The following ATP10B variants were observed in gnomAD, a reference collection of about 807,000 sequenced individuals.
ATP10B encodes ATPase phospholipid transporting 10B (putative).
In ATP10B, 122 loss-of-function variants were observed where a neutral mutation model predicts 141.2. That is an observed-to-expected ratio of 0.86 (90% CI 0.75 to 1.00). ATP10B has a LOEUF of 1.00. Among genes scored for constraint, ATP10B ranks in the 50% least tolerant of loss-of-function variants. The probability of loss-of-function intolerance (pLI) is 0.00; values close to 1 mark genes in which losing one functional copy is unlikely to be tolerated. For missense variants in ATP10B, 1,876 were observed against 1,825.3 expected, an observed-to-expected ratio of 1.03 and a Z score of -0.51; for synonymous variants, 685 against 692.0, an observed-to-expected ratio of 0.99 and a Z score of 0.16.
At chr5:160,890,854 C>A in the ATP10B span, among the ~76,000 whole-genome samples, 4 of 152,188 alleles carry the variant, frequency 2.6e-5, no homozygotes, top group Non-Finnish European at 5.9e-5. Flanking sequence ...GAGCTACAGG[C>A]ATATGCTGCC....
At chr5:160,698,673 A>G (rs371934941) in intron 3 of ATP10B, among the ~76,000 whole-genome samples, 23 of 151,840 alleles carry the variant, frequency 1.5e-4, no homozygotes, top group African/African-American at 5.5e-4. Flanking sequence ...ACATAATAAA[A>G]TGGTTGGGAG....
At chr5:160,786,688 T>C (rs1156541468) in intron 1 of ATP10B, among the ~76,000 whole-genome samples, 3 of 152,180 alleles carry the variant, frequency 2.0e-5, no homozygotes, top group Admixed American at 1.3e-4. Flanking sequence ...AATGAAGTTG[T>C]CTTCCACAAG....
chr5:160,590,646 A>C (rs1375104543), intron 23 of ATP10B, among the ~76,000 whole-genome samples: 2 of 152,206 alleles, frequency 1.3e-5, no homozygotes, highest in African/African-American at 4.8e-5. Context: ...GCACAAGTGT[A>C]TATAAAAATC....
intron 24 of ATP10B, among the ~76,000 whole-genome samples, chr5:160,584,338 T>C (rs899406878): frequency 6.6e-6 from 1 of 152,084 alleles, no homozygotes; most frequent in Non-Finnish European, 1.5e-5. Flanking sequence ...CACCCTACTT[T>C]GGCTCGCTCT....
intron 9 of ATP10B, among the ~76,000 whole-genome samples, chr5:160,642,709 C>T (rs1050324132): frequency 6.6e-6 from 1 of 152,168 alleles, no homozygotes; most frequent in Non-Finnish European, 1.5e-5. Flanking sequence ...GTTTTGCGGG[C>T]CTGATGTATT....
At chr5:160,764,387 G>T (rs1429433583) in intron 2 of ATP10B, among the ~76,000 whole-genome samples, 1 of 152,102 alleles carries the variant, frequency 6.6e-6, no homozygotes, top group African/African-American at 2.4e-5. Context: ...TTCATACCAG[G>T]GACGCAGGGC....
intron 6 of ATP10B, among the ~76,000 whole-genome samples, chr5:160,681,218 C>T (rs1342314118): frequency 6.6e-6 from 1 of 152,220 alleles, no homozygotes; most frequent in Non-Finnish European, 1.5e-5. Flanking sequence ...AGGCTACTTA[C>T]TGAGGGTCAT....
chr5:160,674,876 C>G (rs1192053206), intron 6 of ATP10B, among the ~76,000 whole-genome samples: 1 of 152,012 alleles, frequency 6.6e-6, no homozygotes, highest in South Asian at 2.1e-4. Flanking sequence ...ATCAGAGACA[C>G]ATTTTGTAGG....
intron 15 of ATP10B, among the ~76,000 whole-genome samples, chr5:160,618,441 A>T (rs1403473186): frequency 1.3e-5 from 2 of 152,108 alleles, no homozygotes; most frequent in African/African-American, 2.4e-5. Flanking sequence ...TCTATCTTCT[A>T]CTTGAGGTCT....
chr5:160,824,982 G>A (rs1271933496), intron 1 of ATP10B, among the ~76,000 whole-genome samples: 2 of 151,986 alleles, frequency 1.3e-5, no homozygotes, highest in Admixed American at 1.3e-4. Flanking sequence ...AACATTTCCA[G>A]AGCATGTCAA....
chr5:160,755,278 G>T (rs1305764663), intron 2 of ATP10B, among the ~76,000 whole-genome samples: 1 of 152,146 alleles, frequency 6.6e-6, no homozygotes. Context: ...TACAAGAACA[G>T]CAAGGGAAAT....
intron 1 of ATP10B, among the ~76,000 whole-genome samples, chr5:160,838,755 A>T (rs965326982): frequency 6.6e-6 from 1 of 152,110 alleles, no homozygotes; most frequent in African/African-American, 2.4e-5. Context: ...GAAGGCCAAG[A>T]CCTGTGATGT....
At chr5:160,630,092 C>T (rs1453772037) in intron 13 of ATP10B, among the ~76,000 whole-genome samples, 2 of 152,178 alleles carry the variant, frequency 1.3e-5, no homozygotes, top group Admixed American at 6.5e-5. Context: ...TTCCACTAAC[C>T]CCAGATTTTT....
At position 160,825,310 on chromosome 5, in the gene ATP10B, AATCCAGTGGGAGAT is replaced by A. The variant is rs1774503298; in HGVS notation, c.-576+26617_-576+26630del. Among the ~76,000 whole-genome samples, 3 of 152,276 alleles carry A rather than the reference AATCCAGTGGGAGAT, an allele frequency of 2.0e-5. No homozygotes were observed. In the South Asian group the frequency reaches 6.2e-4, roughly 32 times the overall value. ...CATAATTCCTTCATGTTGTGGGAGA[AATCCAGTGGGAGAT>A]AATTTAATCATGGGGGCAGTTTCCC... On this transcript the variant is annotated intron_variant, in intron 1 of 25. Transcript: ENST00000327245.
chr5:160,571,007 CT>C (rs924019572), intron 24 of ATP10B, among the ~76,000 whole-genome samples: 19 of 151,912 alleles, frequency 1.3e-4, no homozygotes, highest in Admixed American at 1.1e-3. Flanking sequence ...GCTTTTATAA[CT>C]TTTTTTTGTC....
chr5:160,802,315 C>T lies in ATP10B; in HGVS notation c.-575-16512G>A, dbSNP rs532479662. Among the ~76,000 whole-genome samples the T allele has an allele frequency of 1.1e-4, 16 of 152,280 alleles. No homozygotes were observed. The South Asian group carries it at 3.1e-3, about 30-fold the overall frequency. On this transcript the variant is annotated intron_variant, in intron 1 of 25. Transcript: ENST00000327245. The stretch of plus-strand genomic sequence containing the variant: ...GTAAAGAATTTGTAAGCTGACATTA[C>T]CTGAGGAAAAAATCAAGAACACGCC...
chr5:160,805,955 C>G (rs1581567013), intron 1 of ATP10B, among the ~76,000 whole-genome samples: 1 of 152,182 alleles, frequency 6.6e-6, no homozygotes, highest in Non-Finnish European at 1.5e-5. Context: ...AGCCCTAAGG[C>G]CTCAGAACCA....
At chr5:160,877,474 C>A in the ATP10B span, among the ~76,000 whole-genome samples, 4 of 147,692 alleles carry the variant, frequency 2.7e-5, no homozygotes, top group Non-Finnish European at 6.0e-5. Context: ...AAAACTGGCA[C>A]AAGACAGGGA....
intron 18 of ATP10B, among the ~76,000 whole-genome samples, chr5:160,608,995 A>G (rs948725129): frequency 6.6e-6 from 1 of 152,138 alleles, no homozygotes; most frequent in Non-Finnish European, 1.5e-5. Flanking sequence ...TTTAGTCATG[A>G]AGTCTTTGCC....
Sources: allele counts gnomAD v4.1 joint callset (sites outside exome capture counted in the v4.1 genomes callset), GRCh38; gene constraint gnomAD v4.1.1; transcripts MANE v1.5; gene names NCBI Gene and HGNC (gene_info 2026-07-23, HGNC 2026-07-21).